Variants in OXR1 observed in about 807,000 individuals in gnomAD.
OXR1 encodes the protein oxidation resistance 1.
A neutral mutation model predicts 104.6 loss-of-function variants in OXR1; 41 were observed. That is an observed-to-expected ratio of 0.39 (90% confidence interval 0.31 to 0.51). OXR1 has a LOEUF of 0.51. Among genes scored for constraint, OXR1 ranks in the 20% least tolerant of loss-of-function variants. OXR1 has a pLI of 0.77. For missense variants in OXR1, 955 were observed against 1,031.9 expected, an observed-to-expected ratio of 0.93 and a Z score of 1.02; for synonymous variants, 348 against 348.4, an observed-to-expected ratio of 1.00 and a Z score of 0.01.
intron 2 of OXR1, among the ~76,000 whole-genome samples, chr8:106,510,013 C>A (rs1420696069): frequency 1.3e-5 from 2 of 152,162 alleles, no homozygotes; most frequent in Non-Finnish European, 2.9e-5. Context: ...CTCAAGTGAT[C>A]TGCCCACCTC....
intron 2 of OXR1, among the ~76,000 whole-genome samples, chr8:106,368,914 C>A (rs1291684129): frequency 6.6e-6 from 1 of 152,136 alleles, no homozygotes; most frequent in Non-Finnish European, 1.5e-5. Context: ...TGGGTATATA[C>A]CCAGTAATGG....
chr8:106,381,917 G>C (rs1817165597), intron 2 of OXR1, among the ~76,000 whole-genome samples: 1 of 152,132 alleles, frequency 6.6e-6, no homozygotes, highest in Non-Finnish European at 1.5e-5. Flanking sequence ...AGTGGGAAAT[G>C]GTTACAAACA....
At chr8:106,281,108 C>T (rs749331393) in intron 1 of OXR1, among the ~76,000 whole-genome samples, 8 of 151,992 alleles carry the variant, frequency 5.3e-5, no homozygotes, top group African/African-American at 4.8e-5. Flanking sequence ...ATAGGGCCCA[C>T]GGTTCTGCGC....
chr8:106,290,631 A>G lies in OXR1; in HGVS notation c.-139+20264A>G, dbSNP rs553469012. On this transcript the variant is annotated intron_variant, in intron 1 of 16. Coordinates refer to ENST00000517566, the MANE Select transcript of OXR1 (RefSeq NM_001198533.2). The stretch of plus-strand genomic sequence containing the variant: ...AAATAACCCCATTAAAAAATGGGCA[A>G]GGGACATTCACAGACACTTCTGAAA... Among the ~76,000 whole-genome samples, 20 of 152,316 alleles carry G rather than the reference A, an allele frequency of 1.3e-4. No homozygotes were observed. The South Asian group carries it at 4.1e-3, about 32-fold the overall frequency.
intron 2 of OXR1, among the ~76,000 whole-genome samples, chr8:106,486,845 A>T (rs1810690973): frequency 6.6e-6 from 1 of 152,012 alleles, no homozygotes; most frequent in African/African-American, 2.4e-5. Context: ...CTGAAATGAC[A>T]AGGTAGATGT....
intron 2 of OXR1, among the ~76,000 whole-genome samples, chr8:106,515,353 A>G (rs1214357802): frequency 5.9e-5 from 9 of 152,126 alleles, no homozygotes; most frequent in African/African-American, 2.2e-4. Flanking sequence ...TTTTCGAAAT[A>G]CACTACATTG....
intron 3 of OXR1, among the ~76,000 whole-genome samples, chr8:106,677,508 A>G (rs1034653635): frequency 2.2e-4 from 33 of 152,098 alleles, no homozygotes; most frequent in Non-Finnish European, 4.4e-5. Context: ...TATGTGACCA[A>G]ACTTCTTTTG....
chr8:106,418,307 C>A (rs1046290522), intron 2 of OXR1, among the ~76,000 whole-genome samples: 1 of 151,838 alleles, frequency 6.6e-6, no homozygotes, highest in South Asian at 2.1e-4. Flanking sequence ...ATAAAAGATT[C>A]ATTTGCAAGT....
chr8:106,296,076 C>T (rs376146762), intron 1 of OXR1, among the ~76,000 whole-genome samples: 5 of 152,130 alleles, frequency 3.3e-5, no homozygotes, highest in African/African-American at 1.2e-4. Flanking sequence ...TAGGAAAGAT[C>T]CCAACTATCT....
chr8:106,508,083 T>A (rs1242218404), intron 2 of OXR1, among the ~76,000 whole-genome samples: 7 of 152,100 alleles, frequency 4.6e-5, no homozygotes, highest in Admixed American at 4.6e-4. Flanking sequence ...CAGCTTGGGG[T>A]GGGGTCCTTG....
chr8:106,514,278 A>AAAG (rs1377203220), intron 2 of OXR1, among the ~76,000 whole-genome samples: 1 of 152,186 alleles, frequency 6.6e-6, no homozygotes, highest in African/African-American at 2.4e-5. Flanking sequence ...AAAAATTTAA[A>AAAG]AAGACTTCCC....
At chr8:106,290,309 G>T (rs1339863051) in intron 1 of OXR1, among the ~76,000 whole-genome samples, 2 of 152,080 alleles carry the variant, frequency 1.3e-5, no homozygotes, top group African/African-American at 4.8e-5. Context: ...ACTCAAGTTG[G>T]ATTAAAAATT....
intron 11 of OXR1, among the ~76,000 whole-genome samples, chr8:106,735,503 C>G (rs1834287607): frequency 6.6e-6 from 1 of 152,050 alleles, no homozygotes; most frequent in South Asian, 2.1e-4. Flanking sequence ...TTTAATTTCA[C>G]TTCCACCCAG....
chr8:106,639,942 G>A (rs1373012489), intron 3 of OXR1, among the ~76,000 whole-genome samples: 1 of 152,080 alleles, frequency 6.6e-6, no homozygotes, highest in African/African-American at 2.4e-5. Context: ...GTATAATCAA[G>A]GTAGTCACAG....
At chr8:106,667,736 C>T (rs1469979456) in intron 3 of OXR1, among the ~76,000 whole-genome samples, 3 of 151,926 alleles carry the variant, frequency 2.0e-5, no homozygotes, top group Non-Finnish European at 4.4e-5. Flanking sequence ...ATAAATAAGT[C>T]ATATGTTGCA....
At chr8:106,506,224 A>G (rs1812146866) in intron 2 of OXR1, among the ~76,000 whole-genome samples, 1 of 152,218 alleles carries the variant, frequency 6.6e-6, no homozygotes, top group African/African-American at 2.4e-5. Context: ...TGTTTTGGAC[A>G]TGTTAAGTAT....
In OXR1 at chr8:106,434,628, CAAAG is replaced by C. The variant is rs1819499917; in HGVS notation, c.23+74995_23+74998del. 3.3e-5 allele frequency among the ~76,000 whole-genome samples: 5 copies of C among 152,108 alleles called. No homozygotes were observed. The South Asian group carries it at 8.3e-4, about 25-fold the overall frequency. ...CTCATAGTCAAATTATTCTGAGAGACAAAGAAGCTGAGTTCACTTTACTTAATTT... is the reference window on the plus strand; with the variant it reads ...CTCATAGTCAAATTATTCTGAGAGACAAGCTGAGTTCACTTTACTTAATTT... On this transcript the variant is annotated intron_variant, in intron 2 of 16. Transcript: ENST00000517566.
chr8:106,439,418 G>T (rs1488344281), intron 2 of OXR1, among the ~76,000 whole-genome samples: 6 of 152,048 alleles, frequency 3.9e-5, no homozygotes, highest in African/African-American at 1.4e-4. Context: ...AAAAAAGTTT[G>T]TTTTTTAACA....
chr8:106,333,798 C>G (rs537392561), intron 1 of OXR1, among the ~76,000 whole-genome samples: 1 of 152,184 alleles, frequency 6.6e-6, no homozygotes, highest in South Asian at 2.1e-4. Flanking sequence ...TCTGGACTCT[C>G]CATTATAGAT....
Sources: gnomAD v4.1 joint callset for allele counts (sites outside exome capture counted in the v4.1 genomes callset) on GRCh38, gnomAD v4.1.1 for gene constraint, MANE v1.5 for transcripts, NCBI Gene and HGNC (gene_info 2026-07-23, HGNC 2026-07-21) for gene names.